PCDHGA2: variants seen among roughly 807,000 people sequenced by gnomAD.
PCDHGA2 encodes protocadherin gamma-A2.
A neutral mutation model predicts 59.2 loss-of-function variants in PCDHGA2; 40 were observed. The ratio of observed to expected loss-of-function variants is 0.68; its 90% CI spans 0.52 to 0.88. PCDHGA2 has a LOEUF of 0.88. PCDHGA2 is among the 40% of genes least tolerant of loss of function. The pLI, the probability that PCDHGA2 is intolerant of heterozygous loss-of-function variation, is 0.00. For synonymous variants in PCDHGA2, 560 were observed against 526.0 expected (o/e 1.06, Z -0.89); for missense variants, 1,226 against 1,204.0 (o/e 1.02, Z -0.27).
In PCDHGA2 at chr5:141,485,822, G is replaced by A. The variant is rs750883983; in HGVS notation, c.2425-8985G>A. 6.2e-7 allele frequency: 1 copy of A among 1,614,192 alleles called. No individual in the cohort carries two copies. The highest frequency in any genetic ancestry group is 1.1e-5 in the South Asian group (1 of 91,080). ...CCGCCTGGTGCTGACTGCTGTCGAT[G>A]GAGGGAACCCGCCGAGATCTGGCAC... On this transcript the variant is annotated intron_variant, in intron 1 of 3. Transcript: ENST00000394576. This position sits in a 1 kb window ranked among gnomAD's most constrained non-coding sequence, Gnocchi z 5.7.
intron 1 of PCDHGA2, chr5:141,392,586 C>A: frequency 2.1e-6 from 1 of 478,230 alleles, no homozygotes; most frequent in Non-Finnish European, 3.7e-6. Flanking sequence ...GTAAGCGCCG[C>A]TGTTCACCTA....
intron 1 of PCDHGA2, chr5:141,404,646 C>G (rs1461001534): frequency 3.1e-6 from 5 of 1,614,208 alleles, no homozygotes; most frequent in Non-Finnish European, 3.4e-6. Flanking sequence ...ATCCTGTACC[C>G]TGCCCTCCCC....
intron 1 of PCDHGA2, chr5:141,384,930 C>A (rs764481830): frequency 6.2e-7 from 1 of 1,614,060 alleles, no homozygotes; most frequent in Admixed American, 1.7e-5. Flanking sequence ...ACCTGGGCAG[C>A]CTTGAGCCCT....
At chr5:141,374,761 C>T in intron 1 of PCDHGA2, 1 of 1,613,458 alleles carries the variant, frequency 6.2e-7, no homozygotes, top group African/African-American at 1.3e-5. Context: ...CAAGCGTCGC[C>T]CAAATTCTGG....
intron 1 of PCDHGA2, among the ~76,000 whole-genome samples, chr5:141,429,890 C>A (rs2097251428): frequency 6.6e-6 from 1 of 152,112 alleles, no homozygotes; most frequent in African/African-American, 2.4e-5. Context: ...GTTTCCTGAA[C>A]AATAAATATT....
chr5:141,397,092 G>A (rs1422724446), intron 1 of PCDHGA2, among the ~76,000 whole-genome samples: 3 of 152,136 alleles, frequency 2.0e-5, no homozygotes, highest in South Asian at 2.1e-4. Flanking sequence ...ATTTCAGATA[G>A]GATAATAATG....
At position 141,341,391 on chromosome 5, in the gene PCDHGA2, C is replaced by G; in HGVS notation, c.2420C>G (p.Ser807Cys). Residue 807 changes from serine to cysteine, a missense_variant, in exon 1 of 4, where the codon TCT (serine) becomes TGT (cysteine). Transcript: ENST00000394576. Reference sequence around the variant, plus strand: ...GAAGAAGAAAGAGAAGAAACGTTTTCTCAGGTAATCTATCTTTTCACAACA... The same window carrying G: ...GAAGAAGAAAGAGAAGAAACGTTTTGTCAGGTAATCTATCTTTTCACAACA... ...LLEEEREETF[S>C]QQAPPNTDWR... is the part of the protein sequence containing the mutation. 1 of 1,614,206 alleles carries G rather than the reference C, an allele frequency of 6.2e-7. No individual in the cohort carries two copies. Among genetic ancestry groups the G allele is most frequent in the South Asian group, 1.1e-5 (1 of 91,090 alleles).
intron 1 of PCDHGA2, chr5:141,357,390 C>T (rs367807527): frequency 3.1e-6 from 5 of 1,614,122 alleles, no homozygotes; most frequent in Non-Finnish European, 4.2e-6. Flanking sequence ...CTGAAGGCAG[C>T]AGGTTGGCAG....
At chr5:141,406,474 T>TA (rs1309995681) in intron 1 of PCDHGA2, among the ~76,000 whole-genome samples, 1 of 152,248 alleles carries the variant, frequency 6.6e-6, no homozygotes, top group Non-Finnish European at 1.5e-5. Flanking sequence ...TCTTTGAGGT[T>TA]ATATTTTTCA....
intron 1 of PCDHGA2, chr5:141,344,335 T>C: frequency 6.2e-7 from 1 of 1,613,982 alleles, no homozygotes; most frequent in South Asian, 1.1e-5. Context: ...CAGATCCCGC[T>C]GTGTCTGGTA....
chr5:141,418,542 T>A (rs1260030087), intron 1 of PCDHGA2: 1 of 1,614,028 alleles, frequency 6.2e-7, no homozygotes, highest in South Asian at 1.1e-5. Context: ...ACTGCTCAGA[T>A]AAGAATCCTG....
chr5:141,501,017 C>T (rs1383853662), intron 2 of PCDHGA2, among the ~76,000 whole-genome samples: 5 of 151,866 alleles, frequency 3.3e-5, no homozygotes, highest in African/African-American at 7.3e-5. Flanking sequence ...TACAGGCACG[C>T]GCCACCACGC....
chr5:141,372,773 T>G (rs1220480316), intron 1 of PCDHGA2: 1 of 1,610,720 alleles, frequency 6.2e-7, no homozygotes, highest in Non-Finnish European at 8.5e-7. Flanking sequence ...GTAATGACAA[T>G]CCAGAAATGC....
intron 1 of PCDHGA2, chr5:141,370,715 A>C (rs767773166): frequency 5.0e-6 from 8 of 1,613,816 alleles, no homozygotes; most frequent in East Asian, 2.2e-5. Flanking sequence ...TGGAATTTGA[A>C]ATGGTTGCTG....
At chr5:141,370,659 C>T (rs1394525404) in intron 1 of PCDHGA2, 1 of 1,613,780 alleles carries the variant, frequency 6.2e-7, no homozygotes, top group South Asian at 1.1e-5. Context: ...TGTGAGCGAC[C>T]GTATAGACCG....
chr5:141,464,572 A>G (rs912710973), intron 1 of PCDHGA2, among the ~76,000 whole-genome samples: 5 of 152,148 alleles, frequency 3.3e-5, no homozygotes, highest in African/African-American at 1.2e-4. Flanking sequence ...CTACAAATAG[A>G]TGAGAATGTC....
At chr5:141,415,793 T>C in intron 1 of PCDHGA2, 1 of 1,373,160 alleles carries the variant, frequency 7.3e-7, no homozygotes, top group Non-Finnish European at 9.4e-7. Context: ...AAAATTCACC[T>C]AGTCTCAATC....
At position 141,345,702 on chromosome 5, in the gene PCDHGA2, G is replaced by A. The variant is rs772237828; in HGVS notation, c.2424+4307G>A. On this transcript the variant is annotated intron_variant, in intron 1 of 3. Coordinates refer to ENST00000394576, the MANE Select transcript of PCDHGA2 (RefSeq NM_018915.4). ...GAACCTGTTCGTGCTGGACCAGAAC[G>A]ACAACGCGCCCGAGATCCTGTACCC... 4 of 1,614,088 alleles carry A rather than the reference G, an allele frequency of 2.5e-6. No homozygotes were observed. In the African/African-American group the frequency reaches 4.0e-5, roughly 16 times the overall value.
Position 141,366,435 on chromosome 5 carries a change from G to A in PCDHGA2, c.2424+25040G>A, listed in dbSNP as rs1764554522. ...GTGGTGGCAGTGGCTGCAGTCTCCTGCGTCTTCCTGGCCTTCGTCATCGTG... is the reference window on the plus strand; with the variant it reads ...GTGGTGGCAGTGGCTGCAGTCTCCTACGTCTTCCTGGCCTTCGTCATCGTG... On this transcript the variant is annotated intron_variant, in intron 1 of 3. Transcript: ENST00000394576. 2 of 1,614,046 alleles carry A rather than the reference G, an allele frequency of 1.2e-6. No individual in the cohort carries two copies. The highest frequency in any genetic ancestry group is 1.3e-5 in the African/African-American group (1 of 74,958).
Sources: gnomAD v4.1 joint callset for allele counts (sites outside exome capture counted in the v4.1 genomes callset) on GRCh38, gnomAD v4.1.1 for gene constraint, Gnocchi (gnomAD v3.1) non-coding constraint, MANE v1.5 for transcripts, NCBI Gene and HGNC (gene_info 2026-07-23, HGNC 2026-07-21) for gene names.